CGNL1: variants seen among roughly 807,000 people sequenced by gnomAD.
CGNL1 encodes the protein cingulin-like protein 1.
A neutral mutation model predicts 141.2 loss-of-function variants in CGNL1; 132 were observed. That is an observed-to-expected ratio of 0.93 (90% confidence interval 0.81 to 1.08). CGNL1 has a LOEUF of 1.08. Among genes scored for constraint, CGNL1 ranks in the 50% least tolerant of loss-of-function variants. CGNL1 has a pLI of 0.00. For missense variants in CGNL1, 1,870 were observed against 1,588.6 expected, an observed-to-expected ratio of 1.18 and a Z score of -3.01; for synonymous variants, 690 against 622.1, an observed-to-expected ratio of 1.11 and a Z score of -1.63.
intron 8 of CGNL1, among the ~76,000 whole-genome samples, chr15:57,514,342 G>A (rs1482440277): frequency 6.6e-6 from 1 of 151,814 alleles, no homozygotes; most frequent in Admixed American, 6.6e-5. Context: ...AGTAGAGATG[G>A]GGTTTTATCA....
At chr15:57,443,035 A>T (rs570037136) in intron 4 of CGNL1, among the ~76,000 whole-genome samples, 33 of 152,362 alleles carry the variant, frequency 2.2e-4, no homozygotes, top group African/African-American at 7.7e-4. Context: ...GAATAGGAAG[A>T]CTAGCATTGT....
At chr15:57,395,563 A>G (rs1468282076) in intron 1 of CGNL1, among the ~76,000 whole-genome samples, 3 of 152,230 alleles carry the variant, frequency 2.0e-5, no homozygotes, top group Non-Finnish European at 1.5e-5. Context: ...GGCATGGTGT[A>G]TTGCACAGTG....
chr15:57,513,175 G>A (rs1441033589), intron 8 of CGNL1, among the ~76,000 whole-genome samples: 4 of 151,528 alleles, frequency 2.6e-5, no homozygotes, highest in Admixed American at 2.6e-4. Context: ...CCTCCCTGTA[G>A]CAGCCCAGGG....
intron 1 of CGNL1, chr15:57,402,512 C>T (rs1386359464): frequency 2.6e-5 from 4 of 152,262 alleles, no homozygotes; most frequent in Non-Finnish European, 1.5e-5. Flanking sequence ...AGCCTGGATC[C>T]CTAATGACTG....
intron 8 of CGNL1, among the ~76,000 whole-genome samples, chr15:57,480,140 T>A (rs1405312871): frequency 6.6e-6 from 1 of 152,198 alleles, no homozygotes; most frequent in African/African-American, 2.4e-5. Context: ...TAGAAGAGGA[T>A]AAATGAAACT....
intron 15 of CGNL1, 119 bp downstream of exon 15, chr15:57,543,898 G>T (rs574783726): frequency 1.2e-5 from 8 of 684,830 alleles, no homozygotes; most frequent in Admixed American, 1.1e-4. Flanking sequence ...CAAGAACTCT[G>T]GGGGGTAACA....
rs2063330398 is a variant in CGNL1, at chr15:57,452,205, A to G, written c.1970A>G (p.Gln657Arg). The G allele has an allele frequency of 2.5e-6, 4 of 1,614,064 alleles. No homozygotes were observed. Among genetic ancestry groups the G allele is most frequent in the Non-Finnish European group, 3.4e-6 (4 of 1,179,964 alleles). Residue 657 changes from glutamine (Q) to arginine (R), a missense_variant, in exon 6 of 19, where the codon CAA becomes CGA. By Grantham distance (43) the Gln-to-Arg change is conservative. Transcript: ENST00000281282. ...MRANLEELRSQHNEKVEENST... is the reference protein window; with the variant it reads ...MRANLEELRSRHNEKVEENST... ...GCAAACCTAGAAGAGCTCCGAAGCC[A>G]ACACAACGAAAAGGTGGAGGAGAAC...
Position 57,439,557 on chromosome 15 carries a change from A to G in CGNL1, c.1558A>G (p.Lys520Glu), listed in dbSNP as rs754757776. The change falls in exon 2 of 19, where the codon AAG (lysine) becomes GAG (glutamate). Residue 520 changes from lysine to glutamate, a missense_variant. Coordinates refer to ENST00000281282, the MANE Select transcript of CGNL1 (RefSeq NM_032866.5). ...AGCAACTTCGCCTGATTCTGGTGCC[A>G]AGAAAATTTCCGTGAAGACATTTCC... ...ATATSPDSGAKKISVKTFPSA... is the reference protein window; with the variant it reads ...ATATSPDSGAEKISVKTFPSA... 1 of 1,614,012 alleles carries G rather than the reference A, an allele frequency of 6.2e-7. No individual in the cohort carries two copies. The highest frequency in any genetic ancestry group is 8.5e-7 in the Non-Finnish European group (1 of 1,180,012).
At chr15:57,430,703 G>T (rs2063034648) in intron 1 of CGNL1, among the ~76,000 whole-genome samples, 1 of 152,096 alleles carries the variant, frequency 6.6e-6, no homozygotes, top group Non-Finnish European at 1.5e-5. Flanking sequence ...TGGATCAGAT[G>T]AGTTGAGTCC....
At chr15:57,403,919 C>A (rs1003986877) in intron 1 of CGNL1, among the ~76,000 whole-genome samples, 1 of 152,194 alleles carries the variant, frequency 6.6e-6, no homozygotes, top group African/African-American at 2.4e-5. Context: ...CTCCCCTGAC[C>A]CCCTCCAAGC....
At chr15:57,514,419 A>C (rs1408704728) in intron 8 of CGNL1, among the ~76,000 whole-genome samples, 2 of 152,130 alleles carry the variant, frequency 1.3e-5, no homozygotes, top group Non-Finnish European at 2.9e-5. Flanking sequence ...CTTAAAGTGC[A>C]GAGACTATGA....
intron 1 of CGNL1, chr15:57,398,359 T>C (rs2062625427): frequency 6.6e-6 from 1 of 152,156 alleles, no homozygotes; most frequent in Non-Finnish European, 1.5e-5. Context: ...AATGGGGATT[T>C]TGGATGGCCA....
intron 8 of CGNL1, among the ~76,000 whole-genome samples, chr15:57,462,454 C>T (rs1183799710): frequency 1.3e-5 from 2 of 152,112 alleles, no homozygotes; most frequent in African/African-American, 4.8e-5. Flanking sequence ...CAAATAGATT[C>T]AAAATTATGC....
intron 1 of CGNL1, among the ~76,000 whole-genome samples, chr15:57,387,089 C>T (rs1157641235): frequency 6.6e-6 from 1 of 152,162 alleles, no homozygotes; most frequent in African/African-American, 2.4e-5. Context: ...CTCCACGTTC[C>T]TCCCTTCCCC....
chr15:57,377,662 T>C (rs114011135), intron 1 of CGNL1, among the ~76,000 whole-genome samples: 1,998 of 152,298 alleles, frequency 0.013, 45 homozygotes, highest in African/African-American at 0.045. Flanking sequence ...GATCCCTTTG[T>C]TTCTACCTCT....
At chr15:57,523,812 C>A (rs4774952) in intron 11 of CGNL1, among the ~76,000 whole-genome samples, 171 bp downstream of exon 11, 82,373 of 151,924 alleles carry the variant, frequency 0.54, 22,839 homozygotes, top group Non-Finnish European at 0.59. Flanking sequence ...AAAAGATAGA[C>A]ACTGGTCTAG....
At chr15:57,485,583 T>C (rs2063775440) in intron 8 of CGNL1, among the ~76,000 whole-genome samples, 1 of 152,226 alleles carries the variant, frequency 6.6e-6, no homozygotes, top group Non-Finnish European at 1.5e-5. Context: ...ATATGTGAAG[T>C]GTCATAGTAT....
At chr15:57,387,067 G>A (rs947538448) in intron 1 of CGNL1, among the ~76,000 whole-genome samples, 7 of 152,052 alleles carry the variant, frequency 4.6e-5, no homozygotes, top group Admixed American at 2.6e-4. Flanking sequence ...CCCTGGACCC[G>A]TAGAGCAGTC....
At chr15:57,480,765 A>G (rs1470398541) in intron 8 of CGNL1, among the ~76,000 whole-genome samples, 1 of 152,190 alleles carries the variant, frequency 6.6e-6, no homozygotes, top group African/African-American at 2.4e-5. Flanking sequence ...GAGAATTTAT[A>G]CAGCCTTCTA....
Sources: allele counts gnomAD v4.1 joint callset (sites outside exome capture counted in the v4.1 genomes callset), GRCh38; gene constraint gnomAD v4.1.1; transcripts MANE v1.5; gene names NCBI Gene and HGNC (gene_info 2026-07-23, HGNC 2026-07-21).